The following ANXA8 variants were observed in gnomAD, a reference collection of about 807,000 sequenced individuals.
ANXA8 encodes the protein annexin A8.
A neutral mutation model predicts 26.8 loss-of-function variants in ANXA8; 9 were observed. The ratio of observed to expected loss-of-function variants is 0.34; its 90% CI spans 0.20 to 0.59. The LOEUF (loss-of-function observed/expected upper bound fraction) is 0.59, where lower values mean the gene tolerates loss of function less well. Ranked by LOEUF, ANXA8 falls within the 20% of genes least tolerant of loss-of-function variation. The pLI is 0.84. For synonymous variants in ANXA8, 39 were observed against 94.8 expected (o/e 0.41, Z 3.42); for missense variants, 83 against 238.5 (o/e 0.35, Z 4.29).
chr10:47,673,235 G>C, the ANXA8 span, among the ~76,000 whole-genome samples: 216 of 151,710 alleles, frequency 1.4e-3, no homozygotes, highest in East Asian at 0.04. Context: ...GGCCAGTGAC[G>C]AACTGGCATA....
At chr10:47,686,763 T>G in the ANXA8 span, among the ~76,000 whole-genome samples, 1 of 151,960 alleles carries the variant, frequency 6.6e-6, no homozygotes, top group Non-Finnish European at 1.5e-5. Context: ...ATAAACAGTT[T>G]CAAATGGTAC....
At chr10:47,968,749 A>G in the ANXA8 span, among the ~76,000 whole-genome samples, 1 of 151,122 alleles carries the variant, frequency 6.6e-6, no homozygotes, top group African/African-American at 2.4e-5. Context: ...ATCAAAAGTT[A>G]CAAAGGCAAA....
At chr10:47,469,631 C>T (rs1263593050) in intron 11 of ANXA8, among the ~76,000 whole-genome samples, 1 of 151,648 alleles carries the variant, frequency 6.6e-6, no homozygotes, top group Non-Finnish European at 1.5e-5. Flanking sequence ...GCATACAGAG[C>T]TGGGAAATGG....
chr10:47,962,205 AG>A, the ANXA8 span, among the ~76,000 whole-genome samples: 1 of 74,192 alleles, frequency 1.3e-5, no homozygotes, highest in Non-Finnish European at 2.8e-5. Context: ...TGGAGTGGGG[AG>A]GGGGCCTGGA....
At chr10:47,727,084 G>GCTTATATTTCA in the ANXA8 span, 1 of 761,866 alleles carries the variant, frequency 1.3e-6, no homozygotes, top group Non-Finnish European at 2.3e-6. Context: ...GGATAATTTA[G>GCTTATATTTCA]CTTAAGTGAA....
the ANXA8 span, among the ~76,000 whole-genome samples, chr10:47,660,144 T>C: frequency 2.0e-5 from 3 of 147,062 alleles, no homozygotes; most frequent in South Asian, 6.4e-4. Flanking sequence ...AAGTGAGTAA[T>C]AGTATGTATA....
At chr10:47,733,221 C>T in the ANXA8 span, among the ~76,000 whole-genome samples, 1,616 of 55,362 alleles carry the variant, frequency 0.029, 2 homozygotes, top group East Asian at 0.051. Context: ...TTCTTTCTTT[C>T]TCTTTCTTTC....
At chr10:47,681,262 T>C in the ANXA8 span, among the ~76,000 whole-genome samples, 1 of 151,840 alleles carries the variant, frequency 6.6e-6, no homozygotes, top group Non-Finnish European at 1.5e-5. Flanking sequence ...TCAGTGATGA[T>C]GCCAAGGTTT....
the ANXA8 span, among the ~76,000 whole-genome samples, chr10:47,940,475 AC>A: frequency 8.2e-5 from 12 of 146,984 alleles, no homozygotes; most frequent in Non-Finnish European, 1.2e-4. Flanking sequence ...AGCTCTCCAT[AC>A]AAAGCATGGA....
the ANXA8 span, among the ~76,000 whole-genome samples, chr10:47,742,486 G>A: frequency 6.8e-6 from 1 of 146,076 alleles, no homozygotes; most frequent in African/African-American, 2.5e-5. Context: ...AGGCAAAAAA[G>A]TTGAAATAAA....
chr10:47,970,459 C>T, the ANXA8 span: 2 of 151,042 alleles, frequency 1.3e-5, no homozygotes, highest in Admixed American at 1.3e-4. Context: ...AGTCACCTCC[C>T]CTACATTCTT....
At chr10:47,587,516 C>T in the ANXA8 span, among the ~76,000 whole-genome samples, 1 of 146,670 alleles carries the variant, frequency 6.8e-6, no homozygotes, top group African/African-American at 2.8e-5. Context: ...ATTCCATTCA[C>T]TCCTCACAAC....
the ANXA8 span, among the ~76,000 whole-genome samples, chr10:47,495,460 AT>A: frequency 6.7e-6 from 1 of 148,642 alleles, no homozygotes; most frequent in African/African-American, 2.5e-5. Flanking sequence ...TAATTTTTGT[AT>A]TTTTGGTACA....
At chr10:47,749,679 GA>G in the ANXA8 span, among the ~76,000 whole-genome samples, 230 of 151,080 alleles carry the variant, frequency 1.5e-3, 5 homozygotes, top group African/African-American at 5.3e-3. Flanking sequence ...GGTAGGGGGG[GA>G]AACGGAATTA....
the ANXA8 span, among the ~76,000 whole-genome samples, chr10:47,546,655 C>A: frequency 1.5e-5 from 2 of 134,400 alleles, no homozygotes; most frequent in Non-Finnish European, 3.2e-5. Flanking sequence ...ATCTGCCTGC[C>A]TTGGCCTCCG....
chr10:47,582,684 A>C, the ANXA8 span, among the ~76,000 whole-genome samples: 2 of 131,814 alleles, frequency 1.5e-5, no homozygotes, highest in African/African-American at 3.5e-5. Flanking sequence ...CAGGTTTTGT[A>C]CCAATTGTGC....
At chr10:47,644,753 C>A in the ANXA8 span, among the ~76,000 whole-genome samples, 1 of 151,040 alleles carries the variant, frequency 6.6e-6, no homozygotes, top group Non-Finnish European at 1.5e-5. Context: ...TATCATTCAA[C>A]CTATTAGCTA....
the ANXA8 span, among the ~76,000 whole-genome samples, chr10:47,551,295 C>T: frequency 3.3e-5 from 5 of 151,060 alleles, no homozygotes; most frequent in East Asian, 9.8e-4. Context: ...AAAATGAGGG[C>T]AAGAATGATT....
upstream of ANXA8, chr10:47,487,173 T>G (rs1840063354): frequency 8.9e-7 from 1 of 1,126,866 alleles, no homozygotes; most frequent in South Asian, 1.6e-5. Context: ...AGAAAATACT[T>G]TGCCTAGTGT....
Sources: allele counts gnomAD v4.1 joint callset (sites outside exome capture counted in the v4.1 genomes callset), GRCh38; gene constraint gnomAD v4.1.1; transcripts MANE v1.5; gene names NCBI Gene and HGNC (gene_info 2026-07-23, HGNC 2026-07-21).